SERPINA10: variants seen among roughly 807,000 people sequenced by gnomAD.
SERPINA10 encodes serpin family A member 10.
A neutral mutation model predicts 28.0 loss-of-function variants in SERPINA10; 24 were observed. That is an observed-to-expected ratio of 0.86 (90% CI 0.62 to 1.20). The LOEUF is 1.20. Among genes scored for constraint, SERPINA10 ranks in the 50% most tolerant of loss-of-function variants. The pLI, the probability that SERPINA10 is intolerant of heterozygous loss-of-function variation, is 0.00. For missense variants in SERPINA10, 521 were observed against 537.7 expected (o/e 0.97, Z 0.31); for synonymous variants, 207 against 203.9 (o/e 1.02, Z -0.13).
At position 94,286,270 on chromosome 14, in the gene SERPINA10, G is replaced by A; in HGVS notation, c.993-12C>T. 1 of 1,613,194 alleles carries A rather than the reference G, an allele frequency of 6.2e-7. No homozygotes were observed. Among genetic ancestry groups the A allele is most frequent in the Non-Finnish European group, 8.5e-7 (1 of 1,179,964 alleles). On this transcript the variant is annotated splice_polypyrimidine_tract_variant and intron_variant, in intron 3 of 4. Coordinates refer to ENST00000261994, the MANE Select transcript of SERPINA10 (RefSeq NM_001100607.3). ...AAACTTCCATGTTTCTGTGGTACAAGAACAGATGATGGTGAAATGTAGACA... is the reference window on the plus strand; with the variant it reads ...AAACTTCCATGTTTCTGTGGTACAAAAACAGATGATGGTGAAATGTAGACA...
At chr14:94,291,274 G>A (rs956534544) in intron 1 of SERPINA10, among the ~76,000 whole-genome samples, 2 of 152,082 alleles carry the variant, frequency 1.3e-5, no homozygotes, top group African/African-American at 4.8e-5. Flanking sequence ...AGGAGGCCCC[G>A]CAATTCATAC....
Position 94,282,371 on chromosome 14 carries a change from T to C in SERPINA10, c.*1594A>G, listed in dbSNP as rs1332057994. Reference sequence around the variant, plus strand: ...AGGATTCTCTGAATATAGTCTTTTCTGTTTCTGTGACAGAAAATAACTGCC... The same window carrying C: ...AGGATTCTCTGAATATAGTCTTTTCCGTTTCTGTGACAGAAAATAACTGCC... On this transcript the variant is annotated 3_prime_UTR_variant, in exon 5 of 5. Transcript: ENST00000261994. 6.6e-6 allele frequency: 1 copy of C among 152,180 alleles called. No homozygotes were observed. Among genetic ancestry groups the C allele is most frequent in the Non-Finnish European group, 1.5e-5 (1 of 68,022 alleles). 9.4% of individuals were successfully genotyped at this position (152,180 alleles called of 1,614,324 possible). A position where few individuals can be genotyped will look rare whatever the true frequency, so the allele number is the denominator to read the frequency against.
In SERPINA10 at chr14:94,283,960, C is replaced by T; in HGVS notation, c.*5G>A. 1 of 1,613,896 alleles carries T rather than the reference C, an allele frequency of 6.2e-7. No homozygotes were observed. Among genetic ancestry groups the T allele is most frequent in the South Asian group, 1.1e-5 (1 of 91,076 alleles). The stretch of plus-strand genomic sequence containing the variant: ...ACAGCACGAAGTGCTTATGCGTGTC[C>T]TGAATTATAGGAGAGTCGGATTCAC... On this transcript the variant is annotated 3_prime_UTR_variant, in exon 5 of 5. Transcript: ENST00000261994.
At position 94,284,124 on chromosome 14, in the gene SERPINA10, TTCA is replaced by T. The variant is rs1488438378; in HGVS notation, c.1173_1175del (p.Asp391del). The T allele has an allele frequency of 6.2e-7, 1 of 1,614,160 alleles. No homozygotes were observed. The highest frequency in any genetic ancestry group is 8.5e-7 in the Non-Finnish European group (1 of 1,179,996). On this transcript the variant is annotated inframe_deletion, in exon 5 of 5. Transcript: ENST00000261994. The stretch of plus-strand genomic sequence containing the variant: ...TTCCTGCCACTGCCTCAGTGCCCCT[TTCA>T]TCAACTTCAATCACTGTTCTTTGTA...
Position 94,283,932 on chromosome 14 carries a change from AC to A in SERPINA10, c.*32del. The A allele has an allele frequency of 6.2e-7, 1 of 1,601,510 alleles. No homozygotes were observed. The highest frequency in any genetic ancestry group is 8.6e-7 in the Non-Finnish European group (1 of 1,168,638). On this transcript the variant is annotated 3_prime_UTR_variant, in exon 5 of 5. Coordinates refer to ENST00000261994, the MANE Select transcript of SERPINA10 (RefSeq NM_001100607.3). ...GTTTGATACCTCAGATTCAGCATCT[AC>A]TACAGCACGAAGTGCTTATGCGTGT...
At position 94,282,869 on chromosome 14, in the gene SERPINA10, A is replaced by G. The variant is rs1190867034; in HGVS notation, c.*1096T>C. The G allele has an allele frequency of 2.6e-5, 4 of 152,214 alleles. No homozygotes were observed. The highest frequency in any genetic ancestry group is 2.6e-4 in the Admixed American group (4 of 15,280). 9.4% of individuals were successfully genotyped at this position (152,214 alleles called of 1,614,324 possible). On this transcript the variant is annotated 3_prime_UTR_variant, in exon 5 of 5. Coordinates refer to ENST00000261994, the MANE Select transcript of SERPINA10 (RefSeq NM_001100607.3). ...ACAAGGTTAAACGTGCCTAGGGCCC[A>G]TGAAAGTAAGAATATGGACCTGTTT...
chr14:94,290,013 T>G lies in SERPINA10; in HGVS notation c.581A>C (p.Asn194Thr), dbSNP rs900143028. ...TTTGGCCTGTGAGGCATTGCGAAAATTCATAGGCACGCACTCTGTATCAAA... is the reference window on the plus strand; with the variant it reads ...TTTGGCCTGTGAGGCATTGCGAAAAGTCATAGGCACGCACTCTGTATCAAA... ...RYFDTECVPMNFRNASQAKRL... is the reference protein window; with the variant it reads ...RYFDTECVPMTFRNASQAKRL... The change falls in exon 2 of 5, where the codon AAT becomes ACT. Residue 194 changes from asparagine to threonine, a missense_variant. Physicochemically the swap from Asn to Thr is moderately conservative, Grantham distance 65 (BLOSUM62 0). Coordinates refer to ENST00000261994, the MANE Select transcript of SERPINA10 (RefSeq NM_001100607.3). The G allele has an allele frequency of 7.4e-6, 12 of 1,614,210 alleles. No homozygotes were observed. The highest frequency in any genetic ancestry group is 3.3e-5 in the South Asian group (3 of 91,086).
At chr14:94,290,783 TGGGTG>T in intron 1 of SERPINA10, 140 bp from the exon 2 acceptor site, 1 of 888,896 alleles carries the variant, frequency 1.1e-6, no homozygotes, top group Non-Finnish European at 1.7e-6. Context: ...AGAGCAAGTG[TGGGTG>T]ACATTTGCTC....
Position 94,286,840 on chromosome 14 carries a change from A to C in SERPINA10, c.993-582T>G, listed in dbSNP as rs113936388. Reference sequence around the variant, plus strand: ...GTCTTGAAGATTAATTTAAAAAGTTATTCATTCAGCAAACATTACTTGAGG... The same window carrying C: ...GTCTTGAAGATTAATTTAAAAAGTTCTTCATTCAGCAAACATTACTTGAGG... On this transcript the variant is annotated intron_variant, in intron 3 of 4. Transcript: ENST00000261994. Among the ~76,000 whole-genome samples the C allele has an allele frequency of 8.0e-3, 1,225 of 152,352 alleles. 16 individuals carry two copies. Among genetic ancestry groups the C allele is most frequent in the African/African-American group, 0.028 (1,156 of 41,584 alleles).
intron 4 of SERPINA10, among the ~76,000 whole-genome samples, 172 bp from the exon 5 acceptor site, chr14:94,284,328 T>G (rs1894971288): frequency 1.3e-5 from 2 of 152,290 alleles, no homozygotes; most frequent in Admixed American, 1.3e-4. Context: ...CACCAGGGAC[T>G]GCCACAGGAG....
Position 94,287,251 on chromosome 14 carries a change from G to A in SERPINA10, c.993-993C>T, listed in dbSNP as rs538694388. Among the ~76,000 whole-genome samples the A allele has an allele frequency of 1.5e-4, 23 of 152,254 alleles. 2 individuals carry two copies. The South Asian group carries it at 4.8e-3, about 32-fold the overall frequency. ...GACATCTCAACTTGGATGTCTAATA[G>A]ATATTTCTGATCCAAGTGTTTAAGA... is the stretch of plus-strand genomic sequence containing the variant. On this transcript the variant is annotated intron_variant, in intron 3 of 4. Transcript: ENST00000261994.
In SERPINA10 at chr14:94,286,204, A is replaced by G; in HGVS notation, c.1047T>C (p.His349=). The change falls in exon 4 of 5, where the codon CAT becomes CAC. Residue 349 remains histidine, a synonymous_variant. Transcript: ENST00000261994. ...TGATTCCCATCTGCCTAAGCAGCTC[A>G]TGCATCTCATACTTCTGATCTAGCT... is the stretch of plus-strand genomic sequence containing the variant. The part of the protein sequence containing the change: ...KFKLDQKYEM[H]ELLRQMGIRR... 1 of 1,614,098 alleles carries G rather than the reference A, an allele frequency of 6.2e-7. No individual in the cohort carries two copies. Among genetic ancestry groups the G allele is most frequent in the Non-Finnish European group, 8.5e-7 (1 of 1,179,950 alleles).
intron 4 of SERPINA10, among the ~76,000 whole-genome samples, chr14:94,284,406 C>T (rs890187121): frequency 1.3e-5 from 2 of 152,136 alleles, no homozygotes; most frequent in African/African-American, 4.8e-5. Context: ...AAACACATTC[C>T]GGGCATGGAC....
chr14:94,286,388 G>T, intron 3 of SERPINA10, 130 bp from the exon 4 acceptor site: 1 of 1,013,752 alleles, frequency 9.9e-7, no homozygotes, highest in Non-Finnish European at 1.5e-6. Context: ...TGTAGTTCAT[G>T]CCATTCTTTT....
Position 94,293,090 on chromosome 14 carries a change from C to T in SERPINA10, c.-51+99G>A, listed in dbSNP as rs139185372. 16 of 182,148 alleles carry T rather than the reference C, an allele frequency of 8.8e-5. No individual in the cohort carries two copies. In the East Asian group the frequency reaches 1.8e-3, roughly 20 times the overall value. 11.3% of individuals were successfully genotyped at this position (182,148 alleles called of 1,614,324 possible). ...GAGGTCTTTGCACTGCTCAGCCACA[C>T]AGCCCTCACGTTGGAGCCCGCCCAG... On this transcript the variant is annotated intron_variant, in intron 1 of 4. Transcript: ENST00000261994.
In SERPINA10 at chr14:94,282,260, G is replaced by GT; in HGVS notation, c.*1704dup. 6.6e-6 allele frequency: 1 copy of GT among 151,874 alleles called. No individual in the cohort carries two copies. Among genetic ancestry groups the GT allele is most frequent in the South Asian group, 2.1e-4 (1 of 4,800 alleles). 9.4% of individuals were successfully genotyped at this position (151,874 alleles called of 1,614,324 possible). ...CAACTAATCAATAAATGAATTTTAG[G>GT]TTTTTTTAAACATTAGATAGCAGAC... is the stretch of plus-strand genomic sequence containing the variant. On this transcript the variant is annotated 3_prime_UTR_variant, in exon 5 of 5. Transcript: ENST00000261994.
At chr14:94,288,177 A>G (rs913143231) in intron 3 of SERPINA10, 109 bp downstream of exon 3, 56 of 1,462,514 alleles carry the variant, frequency 3.8e-5, no homozygotes, top group Non-Finnish European at 5.2e-5. Context: ...CAGGAAACTT[A>G]TAGCTCACTG....
rs56170999 is a variant in SERPINA10, at chr14:94,292,149, G to A, written c.-51+1040C>T. ...CCTGAGAATTAATAAGTTGAAGCCC[G>A]AACCACCATTGTGATGGCAATAGAG... On this transcript the variant is annotated intron_variant, in intron 1 of 4. Transcript: ENST00000261994. Among the ~76,000 whole-genome samples, 1,266 of 152,270 alleles carry A rather than the reference G, an allele frequency of 8.3e-3. 15 individuals carry two copies. The highest frequency in any genetic ancestry group is 0.029 in the African/African-American group (1,202 of 41,562).
rs776104344 is a variant in SERPINA10 at position 94,283,566 on chromosome 14, C to T, written c.*399G>A. The T allele has an allele frequency of 1.4e-5, 4 of 279,298 alleles. No individual in the cohort carries two copies. The highest frequency in any genetic ancestry group is 6.7e-5 in the African/African-American group (3 of 45,014). The allele number at this position is 279,298 out of a possible 1,614,324, so 17.3% of individuals were successfully genotyped here. On this transcript the variant is annotated 3_prime_UTR_variant, in exon 5 of 5. Transcript: ENST00000261994. ...CCAATGTCTCCACACTGTCTATGCT[C>T]CTCGCCCATGAGTCACTTAGTAGCC... is the stretch of plus-strand genomic sequence containing the variant.
Sources: allele counts gnomAD v4.1 joint callset (sites outside exome capture counted in the v4.1 genomes callset), GRCh38; gene constraint gnomAD v4.1.1; transcripts MANE v1.5; gene names NCBI Gene and HGNC (gene_info 2026-07-23, HGNC 2026-07-21).